The following SMAD3 variants were observed in gnomAD, a reference collection of about 807,000 sequenced individuals.
SMAD3 encodes SMAD family member 3.
SMAD3 carries 12 observed loss-of-function variants against 51.8 expected under a neutral mutation model. That is an observed-to-expected ratio of 0.23 (90% CI 0.15 to 0.38). SMAD3 has a LOEUF of 0.38. Ranked by LOEUF, SMAD3 falls within the 10% of genes least tolerant of loss-of-function variation. The pLI is 1.00. For synonymous variants in SMAD3, 238 were observed against 227.7 expected (o/e 1.05, Z -0.41); for missense variants, 294 against 565.6 (o/e 0.52, Z 4.87).
intron 1 of SMAD3, among the ~76,000 whole-genome samples, chr15:67,083,289 C>T (rs1434725187): frequency 1.3e-5 from 2 of 152,196 alleles, no homozygotes; most frequent in Non-Finnish European, 2.9e-5. Context: ...TTTGTTTAAC[C>T]ACGGCTGTGG....
Position 67,066,332 on chromosome 15 carries a change from G to A in SMAD3, c.178G>A (p.Val60Ile), listed in dbSNP as rs1959915757. 1.9e-6 allele frequency: 3 copies of A among 1,613,374 alleles called. No homozygotes were observed. Among genetic ancestry groups the A allele is most frequent in the South Asian group, 2.2e-5 (2 of 91,054 alleles). ...ELEKAITTQNVNTKCITIPRS... is the reference protein window; with the variant it reads ...ELEKAITTQNINTKCITIPRS... ...GGAGAAGGCCATCACCACGCAGAAC[G>A]TCAACACCAAGTGCATCACCATCCC... Residue 60 changes from valine to isoleucine, a missense_variant, in exon 1 of 9, where the codon GTC becomes ATC. Val to Ile is a conservative substitution (Grantham distance 29). Transcript: ENST00000327367.
intron 1 of SMAD3, among the ~76,000 whole-genome samples, chr15:67,133,236 T>A (rs10163132): frequency 0.31 from 46,380 of 151,988 alleles, 7,860 homozygotes; most frequent in East Asian, 0.6. Flanking sequence ...GAACTGCTGG[T>A]GAACACGGGA....
At chr15:67,182,300 G>C (rs757241240) in intron 6 of SMAD3, among the ~76,000 whole-genome samples, 2 of 152,200 alleles carry the variant, frequency 1.3e-5, no homozygotes, top group African/African-American at 4.8e-5. Context: ...GACTTTGTGA[G>C]TTTAAGGAAG....
chr15:67,140,935 T>C (rs1961802543), intron 1 of SMAD3, among the ~76,000 whole-genome samples: 1 of 152,154 alleles, frequency 6.6e-6, no homozygotes, highest in African/African-American at 2.4e-5. Context: ...CCAGATCTTC[T>C]GAGTTTTTTT....
intron 1 of SMAD3, among the ~76,000 whole-genome samples, chr15:67,162,605 A>G (rs1443999977): frequency 6.6e-6 from 1 of 152,128 alleles, no homozygotes; most frequent in Non-Finnish European, 1.5e-5. Context: ...GGCCCTGCAG[A>G]GTACCCCTGC....
Position 67,165,044 on chromosome 15 carries a change from A to G in SMAD3, c.356A>G (p.Glu119Gly). The G allele has an allele frequency of 6.2e-7, 1 of 1,614,188 alleles. No individual in the cohort carries two copies. The highest frequency in any genetic ancestry group is 8.5e-7 in the Non-Finnish European group (1 of 1,180,040). The change falls in exon 2 of 9, where the codon GAG becomes GGG. Residue 119 changes from glutamate (E) to glycine (G), a missense_variant. Glu to Gly is a moderately conservative substitution (Grantham distance 98, BLOSUM62 -2). Transcript: ENST00000327367. ...TTCGCCTTCAATATGAAGAAGGACG[A>G]GGTCTGCGTGAATCCCTACCACTAC... ...CEFAFNMKKD[E>G]VCVNPYHYQR... is the part of the protein sequence containing the mutation.
At chr15:67,172,529 G>A (rs564462633) in intron 5 of SMAD3, among the ~76,000 whole-genome samples, 1 of 152,364 alleles carries the variant, frequency 6.6e-6, no homozygotes, top group Non-Finnish European at 1.5e-5. Context: ...TAGCTGGAAG[G>A]GGGTGAGATG....
chr15:67,125,631 T>C (rs1032676851), intron 1 of SMAD3: 1 of 772,702 alleles, frequency 1.3e-6, no homozygotes, highest in Non-Finnish European at 1.6e-6. Context: ...GAGTGCGTGG[T>C]GTTTATTTTT....
At chr15:67,171,682 G>C (rs1006038930) in intron 5 of SMAD3, among the ~76,000 whole-genome samples, 2 of 152,202 alleles carry the variant, frequency 1.3e-5, no homozygotes, top group African/African-American at 4.8e-5. Flanking sequence ...TGGAATATTA[G>C]GAGATGCTTG....
chr15:67,150,915 G>A lies in SMAD3; in HGVS notation c.207-13980G>A, dbSNP rs185099415. Among the ~76,000 whole-genome samples, 293 of 134,106 alleles carry A rather than the reference G, an allele frequency of 2.2e-3. 4 individuals are homozygous for A. The highest frequency in any genetic ancestry group is 6.3e-4 in the Non-Finnish European group (41 of 64,978). 88.0% of individuals were successfully genotyped at this position (134,106 alleles called of 152,430 possible). A position where few individuals can be genotyped will look rare whatever the true frequency, so the allele number is the denominator to read the frequency against. On this transcript the variant is annotated intron_variant, in intron 1 of 8. Transcript: ENST00000327367. ...CTGTCGCCCAGGCTAGAGTGCAGTG[G>A]CACAATCTCGGCTCACTGCAACCTC...
At position 67,146,236 on chromosome 15, in the gene SMAD3, G is replaced by A. The variant is rs185065931; in HGVS notation, c.207-18659G>A. On this transcript the variant is annotated intron_variant, in intron 1 of 8. Transcript: ENST00000327367. The stretch of plus-strand genomic sequence containing the variant: ...GAATCTTAAATGTTTCCTAGATTGA[G>A]CCATTAATCTTCGATTTTTTGCAAA... The A allele has an allele frequency of 2.6e-5, 4 of 152,366 alleles. No individual in the cohort carries two copies. The East Asian group carries it at 7.7e-4, about 29-fold the overall frequency. The allele number at this position is 152,366 out of a possible 1,614,324, so 9.4% of individuals were successfully genotyped here. A position where few individuals can be genotyped will look rare whatever the true frequency, so the allele number is the denominator to read the frequency against.
intron 8 of SMAD3, among the ~76,000 whole-genome samples, chr15:67,188,499 T>C (rs1963280966): frequency 6.6e-6 from 1 of 152,150 alleles, no homozygotes; most frequent in Non-Finnish European, 1.5e-5. Context: ...CTTGGTTGAA[T>C]CTCTCAGGCC....
intron 1 of SMAD3, among the ~76,000 whole-genome samples, chr15:67,104,763 C>CT (rs1291557084): frequency 6.6e-6 from 1 of 152,236 alleles, no homozygotes; most frequent in Non-Finnish European, 1.5e-5. Context: ...CTTTGCCCAC[C>CT]CTCTTCTCTT....
intron 5 of SMAD3, among the ~76,000 whole-genome samples, chr15:67,171,589 G>A (rs538494651): frequency 3.3e-5 from 5 of 152,310 alleles, no homozygotes; most frequent in Admixed American, 1.3e-4. Flanking sequence ...ATTTCTTGGC[G>A]AATCAAAGTG....
intron 1 of SMAD3, among the ~76,000 whole-genome samples, chr15:67,105,730 G>A (rs1240434029): frequency 6.6e-6 from 1 of 152,206 alleles, no homozygotes; most frequent in Non-Finnish European, 1.5e-5. Flanking sequence ...CTGATGCCCT[G>A]GCTGGAGATC....
At chr15:67,127,784 A>G (rs1259885043) in intron 1 of SMAD3, among the ~76,000 whole-genome samples, 6 of 152,098 alleles carry the variant, frequency 3.9e-5, no homozygotes, top group Non-Finnish European at 8.8e-5. Flanking sequence ...TGTCGGGCTC[A>G]GGGCCTTTCT....
rs74023111 is a variant in SMAD3 at position 67,090,051 on chromosome 15, T to G, written c.206+23691T>G. ...GGAGGGCTGCCCCCGCATGGGAGTG[T>G]GGACAAGTGTGCACGAGGGGGAGGC... On this transcript the variant is annotated intron_variant, in intron 1 of 8. Transcript: ENST00000327367. Among the ~76,000 whole-genome samples, 581 of 152,170 alleles carry G rather than the reference T, an allele frequency of 3.8e-3. 2 individuals carry two copies. The highest frequency in any genetic ancestry group is 0.013 in the African/African-American group (559 of 41,516).
intron 1 of SMAD3, among the ~76,000 whole-genome samples, chr15:67,159,479 T>C (rs1339172025): frequency 6.6e-6 from 1 of 152,214 alleles, no homozygotes; most frequent in East Asian, 1.9e-4. Context: ...ATTAAGTCCA[T>C]TGCCTTTTTT....
At chr15:67,171,169 C>A (rs1447280039) in intron 5 of SMAD3, among the ~76,000 whole-genome samples, 1 of 152,164 alleles carries the variant, frequency 6.6e-6, no homozygotes, top group Non-Finnish European at 1.5e-5. Context: ...CTGTGCCTTG[C>A]CACTGAGATC....
Sources: allele counts gnomAD v4.1 joint callset (sites outside exome capture counted in the v4.1 genomes callset), GRCh38; gene constraint gnomAD v4.1.1; transcripts MANE v1.5; gene names NCBI Gene and HGNC (gene_info 2026-07-23, HGNC 2026-07-21).